PRORP: variants seen among roughly 807,000 people sequenced by gnomAD.
PRORP encodes protein only RNase P catalytic subunit.
PRORP carries 51 observed loss-of-function variants against 59.4 expected under a neutral mutation model. The ratio of observed to expected loss-of-function variants is 0.86; its 90% confidence interval spans 0.69 to 1.08. PRORP has a LOEUF of 1.08. Ranked by LOEUF, PRORP falls within the 50% of genes least tolerant of loss-of-function variation. The probability of loss-of-function intolerance (pLI) is 0.00; values close to 1 mark genes in which losing one functional copy is unlikely to be tolerated. For missense variants in PRORP, 646 were observed against 690.3 expected, an observed-to-expected ratio of 0.94 and a Z score of 0.72; for synonymous variants, 231 against 245.6, an observed-to-expected ratio of 0.94 and a Z score of 0.55.
At chr14:35,248,887 C>A (rs1478855506) in intron 5 of PRORP, among the ~76,000 whole-genome samples, 2 of 152,176 alleles carry the variant, frequency 1.3e-5, no homozygotes, top group African/African-American at 4.8e-5. Flanking sequence ...GTAATAGCAT[C>A]ATAAAAACAA....
intron 5 of PRORP, among the ~76,000 whole-genome samples, chr14:35,252,472 G>C (rs553854540): frequency 1.9e-4 from 29 of 152,234 alleles, no homozygotes; most frequent in Admixed American, 5.2e-4. Context: ...AAAGAAGGCA[G>C]TCATTATCCT....
At chr14:35,223,493 T>G (rs2049849392) in intron 5 of PRORP, among the ~76,000 whole-genome samples, 2 of 141,270 alleles carry the variant, frequency 1.4e-5, no homozygotes, top group African/African-American at 2.6e-5. Context: ...GGAGTCTCAC[T>G]CTCTCGCCCA....
In PRORP at chr14:35,126,775, C is replaced by T. The variant is rs377398996; in HGVS notation, c.1027C>T (p.Arg343Ter). Residue 343 changes from arginine (R) to a stop codon, truncating the protein, a stop_gained, in exon 3 of 8, where the codon CGA (arginine) becomes TGA (stop). Transcript: ENST00000534898. LOFTEE classifies it high-confidence loss of function. ...KQWKGQFTTV[R>*]KSGQCSGCGK... is the part of the protein sequence containing the mutation. ...ATGGAAAGGACAATTCACCACAGTC[C>T]GAAAAAGGTGAAGACCAATGTTTAT... 48 of 1,606,536 alleles carry T rather than the reference C, an allele frequency of 3.0e-5. No individual in the cohort carries two copies. Among genetic ancestry groups the T allele is most frequent in the Non-Finnish European group, 3.4e-5 (40 of 1,176,154 alleles).
intron 5 of PRORP, among the ~76,000 whole-genome samples, chr14:35,245,809 C>A (rs370704613): frequency 6.6e-6 from 1 of 152,240 alleles, no homozygotes; most frequent in East Asian, 1.9e-4. Flanking sequence ...TTCCCATTAC[C>A]GCTCTCCTGT....
At chr14:35,153,345 GTCCAGCT>G (rs1175286165) in intron 4 of PRORP, among the ~76,000 whole-genome samples, 9 of 152,246 alleles carry the variant, frequency 5.9e-5, no homozygotes, top group African/African-American at 1.9e-4. Context: ...CAGCAGTACA[GTCCAGCT>G]TCAGCTCCGC....
rs1185902349 is a variant in PRORP, at chr14:35,275,722, G to A, written c.*2156G>A. ...ATACCTGTTAATTCCAGCACTTTGG[G>A]AGGCCAAGACAGGAGGATCACTTTA... On this transcript the variant is annotated 3_prime_UTR_variant, in exon 8 of 8. Coordinates refer to ENST00000534898, the MANE Select transcript of PRORP (RefSeq NM_014672.4). 6.6e-6 allele frequency: 1 copy of A among 152,050 alleles called. No homozygotes were observed. The highest frequency in any genetic ancestry group is 1.5e-5 in the Non-Finnish European group (1 of 68,032). 9.4% of individuals were successfully genotyped at this position (152,050 alleles called of 1,614,324 possible).
At chr14:35,220,608 C>T (rs2049748064) in intron 5 of PRORP, among the ~76,000 whole-genome samples, 1 of 151,072 alleles carries the variant, frequency 6.6e-6, no homozygotes, top group Non-Finnish European at 1.5e-5. Flanking sequence ...GGGTTGGGAG[C>T]AAACAAAAAA....
intron 5 of PRORP, chr14:35,222,102 T>A (rs1304924789): frequency 8.5e-6 from 1 of 117,806 alleles, no homozygotes; most frequent in East Asian, 2.4e-4. Flanking sequence ...AAAAATACTT[T>A]CTGTTATCTT....
chr14:35,266,943 C>CT lies in PRORP; in HGVS notation c.1424+71dup, dbSNP rs2051057554. The CT allele has an allele frequency of 6.0e-6, 9 of 1,504,114 alleles. No individual in the cohort carries two copies. The South Asian group carries it at 1.1e-4, about 18-fold the overall frequency. 93.2% of individuals were successfully genotyped at this position (1,504,114 alleles called of 1,614,324 possible). A position where few individuals can be genotyped will look rare whatever the true frequency, so the allele number is the denominator to read the frequency against. The stretch of plus-strand genomic sequence containing the variant: ...CATCTATCTGCTTGTTAGTTACCTA[C>CT]TTTAAACCTATCTTTTAAATGCATG... On this transcript the variant is annotated intron_variant, in intron 6 of 7. Transcript: ENST00000534898.
chr14:35,197,784 GAAAAT>G (rs1418091587), intron 5 of PRORP, among the ~76,000 whole-genome samples: 3 of 152,062 alleles, frequency 2.0e-5, no homozygotes, highest in Non-Finnish European at 4.4e-5. Context: ...ATGTGATACA[GAAAAT>G]AAAATAAATT....
intron 4 of PRORP, 48 bp downstream of exon 4, chr14:35,127,659 G>A (rs928279956): frequency 1.2e-6 from 2 of 1,605,006 alleles, no homozygotes; most frequent in African/African-American, 2.7e-5. Flanking sequence ...GTCTAGAGCA[G>A]GGGTTAGCAA....
Position 35,276,436 on chromosome 14 carries a change from T to C in PRORP, c.*2870T>C, listed in dbSNP as rs3742370. 0.78 allele frequency: 117,798 copies of C among 151,650 alleles called. 45,831 individuals are homozygous for C. Among genetic ancestry groups the C allele is most frequent in the Middle Eastern group, 0.83 (243 of 294 alleles). 9.4% of individuals were successfully genotyped at this position (151,650 alleles called of 1,614,324 possible). ...TTACATTTTAAAATAACTCTAATAC[T>C]GTTTAGAAACAAAACCCTAACTTCT... On this transcript the variant is annotated 3_prime_UTR_variant, in exon 8 of 8. Transcript: ENST00000534898.
chr14:35,220,760 A>C (rs1390250660), intron 5 of PRORP, among the ~76,000 whole-genome samples: 3 of 152,172 alleles, frequency 2.0e-5, no homozygotes, highest in Non-Finnish European at 4.4e-5. Context: ...TATTCTATTC[A>C]TTCAGCAAAT....
At chr14:35,159,880 T>G (rs568961608) in intron 4 of PRORP, among the ~76,000 whole-genome samples, 1 of 152,302 alleles carries the variant, frequency 6.6e-6, no homozygotes, top group Admixed American at 6.5e-5. Context: ...TAATTCTGCC[T>G]CCTTATGAGA....
chr14:35,216,115 T>TTTATATATAATATATAATATATTTATA (rs2049583597), intron 5 of PRORP, among the ~76,000 whole-genome samples: 2 of 147,922 alleles, frequency 1.4e-5, no homozygotes, highest in Non-Finnish European at 3.0e-5. Flanking sequence ...TATATTTATA[T>TTTATATATAATATATAATATATTTATA]TTATATATAA....
intron 4 of PRORP, 34 bp downstream of exon 4, chr14:35,127,645 G>T (rs758456730): frequency 6.2e-7 from 1 of 1,612,726 alleles, no homozygotes. Context: ...TTCTTGGATT[G>T]CTTGTCTAGA....
At chr14:35,272,003 G>A (rs1215007680) in intron 7 of PRORP, among the ~76,000 whole-genome samples, 3 of 151,128 alleles carry the variant, frequency 2.0e-5, no homozygotes, top group African/African-American at 7.3e-5. Flanking sequence ...TCCAGCCTGG[G>A]TGACAGAGCG....
intron 5 of PRORP, among the ~76,000 whole-genome samples, chr14:35,246,021 T>A (rs1341982908): frequency 1.3e-5 from 2 of 152,154 alleles, no homozygotes; most frequent in African/African-American, 4.8e-5. Context: ...ATTTCAGAAT[T>A]TTGAAGGCAG....
At chr14:35,129,706 CCTGACCTCATGAT>C (rs2047189367) in intron 4 of PRORP, among the ~76,000 whole-genome samples, 1 of 151,808 alleles carries the variant, frequency 6.6e-6, no homozygotes, top group South Asian at 2.1e-4. Flanking sequence ...GCCTCGAACT[CCTGACCTCATGAT>C]CTGCCTTCCT....
Sources: allele counts gnomAD v4.1 joint callset (sites outside exome capture counted in the v4.1 genomes callset), GRCh38; gene constraint gnomAD v4.1.1; transcripts MANE v1.5; gene names NCBI Gene and HGNC (gene_info 2026-07-23, HGNC 2026-07-21).